SEC16A: variants seen among roughly 807,000 people sequenced by gnomAD.
SEC16A encodes protein transport protein Sec16A.
SEC16A carries 110 observed loss-of-function variants against 221.9 expected under a neutral mutation model. The observed-to-expected ratio is 0.50, with a 90% CI of 0.42 to 0.58. The LOEUF is 0.58. Among genes scored for constraint, SEC16A ranks in the 20% least tolerant of loss-of-function variants. SEC16A has a pLI of 0.00. For missense variants in SEC16A, 3,165 were observed against 3,097.8 expected (o/e 1.02, Z -0.52); for synonymous variants, 1,393 against 1,257.7 (o/e 1.11, Z -2.28).
rs758944585 is a variant in SEC16A at position 136,454,278 on chromosome 9, C to A, written c.5907G>T (p.Pro1969=). The A allele has an allele frequency of 3.2e-6, 5 of 1,583,686 alleles. No homozygotes were observed. The highest frequency in any genetic ancestry group is 4.3e-6 in the Non-Finnish European group (5 of 1,165,550). The part of the protein sequence containing the change: ...DGPLASPARV[P]MFPVPLPPGP... ...CCGGGGGCAGTGGCACTGGGAACAT[C>A]GGCACTCTGGCAGGACTGGCCAATG... The change falls in exon 21 of 32, where the codon CCG becomes CCT. Residue 1969 remains proline, a synonymous_variant. Coordinates refer to ENST00000684901, the MANE Select transcript of SEC16A (RefSeq NM_014866.2).
At chr9:136,470,130 T>C (rs1394045331) in intron 4 of SEC16A, among the ~76,000 whole-genome samples, 1 of 152,078 alleles carries the variant, frequency 6.6e-6, no homozygotes, top group Non-Finnish European at 1.5e-5. Context: ...TGAACAAACA[T>C]GCAAGACGTG....
In SEC16A at chr9:136,475,347, CAGGTGGCTG is replaced by C. The variant is rs1564531511; in HGVS notation, c.2260_2268del (p.Gln754_Pro756del). 1 of 1,610,096 alleles carries C rather than the reference CAGGTGGCTG, an allele frequency of 6.2e-7. No homozygotes were observed. The highest frequency in any genetic ancestry group is 1.7e-5 in the Admixed American group (1 of 59,772). On this transcript the variant is annotated inframe_deletion, in exon 3 of 32. Transcript: ENST00000684901. The surrounding 1 kb of genome is among the most constrained non-coding windows in gnomAD (Gnocchi z 5.0). The stretch of plus-strand genomic sequence containing the variant: ...ATCGCCTCTTCTGGAGGCTGAACAA[CAGGTGGCTG>C]AGGTTTTGCACACACATAAAGCGCC...
chr9:136,446,655 G>A lies in SEC16A; in HGVS notation c.6792+200C>T, dbSNP rs528854879. Among the ~76,000 whole-genome samples the A allele has an allele frequency of 1.2e-4, 18 of 152,166 alleles. No homozygotes were observed. In the East Asian group the frequency reaches 2.1e-3, roughly 18 times the overall value. ...TCACCGCCACTATCCCCAGATCTCC[G>A]TCTTCCCAAACAGCTCTGTCCCGCC... On this transcript the variant is annotated intron_variant, in intron 28 of 31. Transcript: ENST00000684901.
intron 4 of SEC16A, among the ~76,000 whole-genome samples, chr9:136,469,017 T>C (rs1280601616): frequency 6.6e-6 from 1 of 151,930 alleles, no homozygotes; most frequent in Non-Finnish European, 1.5e-5. Flanking sequence ...CCTGGCTAAT[T>C]TTTTATATTT....
intron 3 of SEC16A, among the ~76,000 whole-genome samples, chr9:136,473,828 G>A (rs144591099): frequency 1.1e-4 from 16 of 152,358 alleles, no homozygotes; most frequent in African/African-American, 3.6e-4. Context: ...ATGCTAACGC[G>A]TGGTGTGAAC....
At position 136,476,953 on chromosome 9, in the gene SEC16A, G is replaced by T; in HGVS notation, c.663C>A (p.Gly221=). 6.2e-7 allele frequency: 1 copy of T among 1,612,622 alleles called. No individual in the cohort carries two copies. Among genetic ancestry groups the T allele is most frequent in the South Asian group, 1.1e-5 (1 of 91,070 alleles). ...AACGATGTTGCCCCGAGGGCTGTGGGCCTCCCTGCACTGGCCCCCACTGTC... is the reference window on the plus strand; with the variant it reads ...AACGATGTTGCCCCGAGGGCTGTGGTCCTCCCTGCACTGGCCCCCACTGTC... The part of the protein sequence containing the change: ...MPGQWGPVQG[G]PQPSGQHRSP... The change falls in exon 3 of 32, where the codon GGC becomes GGA. Residue 221 remains glycine, a synonymous_variant. Transcript: ENST00000684901.
rs1022484016 is a variant in SEC16A at position 136,470,441 on chromosome 9, C to A, written c.3704+1534G>T. 2.8e-4 allele frequency among the ~76,000 whole-genome samples: 42 copies of A among 152,254 alleles called. 1 individual carries two copies. Among genetic ancestry groups the A allele is most frequent in the Non-Finnish European group, 7.3e-5 (5 of 68,042 alleles). ...CTGTCTCTCCTCCGTGCTCTCGCCT[C>A]TCAGGGCCTCTAGGAAACACCTGTC... is the stretch of plus-strand genomic sequence containing the variant. On this transcript the variant is annotated intron_variant, in intron 4 of 31. Transcript: ENST00000684901.
Position 136,441,733 on chromosome 9 carries a change from G to A in SEC16A, c.*22C>T, listed in dbSNP as rs775692704. 6.2e-7 allele frequency: 1 copy of A among 1,611,166 alleles called. No homozygotes were observed. Among genetic ancestry groups the A allele is most frequent in the Non-Finnish European group, 8.5e-7 (1 of 1,177,890 alleles). ...GAACAGCAGCGTCAGGGCTCCAAGT[G>A]CAAGTTCACAGCAGGGCAAGCCTAG... On this transcript the variant is annotated 3_prime_UTR_variant, in exon 32 of 32. Coordinates refer to ENST00000684901, the MANE Select transcript of SEC16A (RefSeq NM_014866.2).
rs760635906 is a variant in SEC16A at position 136,456,191 on chromosome 9, C to T, written c.5551-25G>A. ...TCTAGACACGGGCAAAAATCAAAGG[C>T]CCCTGTCACCACCGGGTGATGGCAA... On this transcript the variant is annotated intron_variant, in intron 18 of 31. Transcript: ENST00000684901. 3.2e-6 allele frequency: 5 copies of T among 1,561,800 alleles called. No individual in the cohort carries two copies. In the Admixed American group the frequency reaches 6.8e-5, roughly 21 times the overall value.
chr9:136,468,494 T>C lies in SEC16A; in HGVS notation c.3723A>G (p.Gly1241=). 6.2e-7 allele frequency: 1 copy of C among 1,611,318 alleles called. No homozygotes were observed. Among genetic ancestry groups the C allele is most frequent in the South Asian group, 1.1e-5 (1 of 90,970 alleles). Reference sequence around the variant, plus strand: ...TCCATCCACTTTTGGAACTATAGTATCCTTCAGGATATCCTTGCCTGAAAA... The same window carrying C: ...TCCATCCACTTTTGGAACTATAGTACCCTTCAGGATATCCTTGCCTGAAAA... The part of the protein sequence containing the change: ...RPPPRQGYPE[G]YYSSKSGWSS... Residue 1241 remains glycine, a synonymous_variant, in exon 5 of 32, where the codon GGA becomes GGG. Transcript: ENST00000684901.
At chr9:136,481,129 CTTTTTT>C (rs1000992506) in intron 1 of SEC16A, among the ~76,000 whole-genome samples, 13 of 87,988 alleles carry the variant, frequency 1.5e-4, no homozygotes, top group African/African-American at 2.7e-4. Context: ...GAATTTTATT[CTTTTTT>C]TTTTTTTTTT....
chr9:136,447,513 C>T lies in SEC16A; in HGVS notation c.6559+56G>A. ...ACGCACAACAGCTACACATTGGCCT[C>T]TCTCTCTGGGACAGTTAATCGTTCA... On this transcript the variant is annotated intron_variant, in intron 26 of 31. Transcript: ENST00000684901. This position sits in a 1 kb window ranked among gnomAD's most constrained non-coding sequence, Gnocchi z 5.5. The T allele has an allele frequency of 6.4e-7, 1 of 1,552,368 alleles. No homozygotes were observed. The highest frequency in any genetic ancestry group is 8.9e-7 in the Non-Finnish European group (1 of 1,129,140).
chr9:136,482,305 T>C (rs1842481836), intron 1 of SEC16A, among the ~76,000 whole-genome samples: 1 of 152,230 alleles, frequency 6.6e-6, no homozygotes, highest in East Asian at 1.9e-4. Context: ...GCATCACACA[T>C]GTAAAACAAA....
chr9:136,444,815 G>A (rs1054034949), intron 30 of SEC16A, among the ~76,000 whole-genome samples: 2 of 151,278 alleles, frequency 1.3e-5, no homozygotes, highest in East Asian at 1.9e-4. Flanking sequence ...GGAGGTGGAG[G>A]TGGCGGTGAG....
chr9:136,476,456 A>T lies in SEC16A; in HGVS notation c.1160T>A (p.Leu387His), dbSNP rs777342955. Residue 387 changes from leucine (L) to histidine (H), a missense_variant, in exon 3 of 32, where the codon CTC becomes CAC. By Grantham distance (99) the Leu-to-His change is moderately conservative. Transcript: ENST00000684901. ...QGGETENEEN[L>H]SSEKAGLSGQ... ...AGATAAGCCTGCTTTTTCAGATGAG[A>T]GATTCTCCTCATTTTCTGTCTCTCC... 12 of 1,613,034 alleles carry T rather than the reference A, an allele frequency of 7.4e-6. No individual in the cohort carries two copies. Among genetic ancestry groups the T allele is most frequent in the Non-Finnish European group, 1.0e-5 (12 of 1,179,752 alleles).
At position 136,452,769 on chromosome 9, in the gene SEC16A, G is replaced by GGAAAA. The variant is rs1265008878; in HGVS notation, c.6159+658_6159+659insTTTTC. Among the ~76,000 whole-genome samples, 3 of 77,940 alleles carry GGAAAA rather than the reference G, an allele frequency of 3.8e-5. 1 individual carries two copies. The highest frequency in any genetic ancestry group is 1.6e-4 in the African/African-American group (3 of 19,258). 51.1% of individuals were successfully genotyped at this position (77,940 alleles called of 152,430 possible). ...CGACAGAGCGAAACTATGTCTTAGG[G>GGAAAA]AAAAAAAAAAAAAAAAAAAAAGGCC... is the stretch of plus-strand genomic sequence containing the variant. On this transcript the variant is annotated intron_variant, in intron 22 of 31. Coordinates refer to ENST00000684901, the MANE Select transcript of SEC16A (RefSeq NM_014866.2).
Position 136,441,083 on chromosome 9 carries a change from C to T in SEC16A, c.*672G>A, listed in dbSNP as rs1836138663. On this transcript the variant is annotated 3_prime_UTR_variant, in exon 32 of 32. Transcript: ENST00000684901. ...AAATCACCCATGGTCCTCATCAGGC[C>T]ACAGAAAGTAAAGTGAGGCTGGAAG... 1 of 152,564 alleles carries T rather than the reference C, an allele frequency of 6.6e-6. No individual in the cohort carries two copies. The highest frequency in any genetic ancestry group is 2.4e-5 in the African/African-American group (1 of 41,430). 9.5% of individuals were successfully genotyped at this position (152,564 alleles called of 1,614,324 possible).
intron 17 of SEC16A, among the ~76,000 whole-genome samples, chr9:136,458,751 G>GT (rs1161382704): frequency 6.6e-6 from 1 of 151,736 alleles, no homozygotes; most frequent in Admixed American, 6.6e-5. Context: ...GGGCAACACA[G>GT]TTTTTTTCTA....
chr9:136,457,330 C>A, intron 18 of SEC16A, 114 bp downstream of exon 18: 1 of 1,191,786 alleles, frequency 8.4e-7, no homozygotes, highest in Admixed American at 2.7e-5. Context: ...AGGTTCTGAG[C>A]GCCTACCACA....
Sources: gnomAD v4.1 joint callset for allele counts (sites outside exome capture counted in the v4.1 genomes callset) on GRCh38, gnomAD v4.1.1 for gene constraint, Gnocchi (gnomAD v3.1) non-coding constraint, MANE v1.5 for transcripts, NCBI Gene and HGNC (gene_info 2026-07-23, HGNC 2026-07-21) for gene names.